Variants in WIPF1 observed in about 807,000 individuals in gnomAD.
WIPF1 encodes the protein WAS/WASL-interacting protein family member 1.
Under a neutral mutation model 35.4 loss-of-function variants are expected in WIPF1, and 13 were observed. That is an observed-to-expected ratio of 0.37 (90% confidence interval 0.24 to 0.58). The LOEUF (loss-of-function observed/expected upper bound fraction) is 0.58, where lower values mean the gene tolerates loss of function less well. WIPF1 is among the 20% of genes least tolerant of loss of function. The pLI is 0.74. For synonymous variants in WIPF1, 267 were observed against 266.3 expected (o/e 1.00, Z -0.02); for missense variants, 591 against 667.0 (o/e 0.89, Z 1.25).
intron 3 of WIPF1, among the ~76,000 whole-genome samples, chr2:174,579,615 C>T (rs1300936644): frequency 6.6e-6 from 1 of 152,210 alleles, no homozygotes; most frequent in East Asian, 1.9e-4. Flanking sequence ...CATTATTAAA[C>T]ATCATGGAAG....
intron 1 of WIPF1, among the ~76,000 whole-genome samples, chr2:174,672,524 T>G (rs1688040712): frequency 6.6e-6 from 1 of 152,256 alleles, no homozygotes; most frequent in African/African-American, 2.4e-5. Flanking sequence ...ATACATACAC[T>G]ATTTTAGCTA....
At chr2:174,632,422 T>C (rs975556244) in intron 1 of WIPF1, among the ~76,000 whole-genome samples, 1 of 152,074 alleles carries the variant, frequency 6.6e-6, no homozygotes, top group African/African-American at 2.4e-5. Flanking sequence ...AAAAATGACA[T>C]CAGGCAGCTG....
chr2:174,609,561 G>T (rs1686280549), intron 1 of WIPF1, among the ~76,000 whole-genome samples: 1 of 152,028 alleles, frequency 6.6e-6, no homozygotes, highest in East Asian at 1.9e-4. Flanking sequence ...AGTTGTACCT[G>T]ATCACTTACA....
chr2:174,652,197 G>A (rs1161429653), intron 1 of WIPF1, among the ~76,000 whole-genome samples: 2 of 152,134 alleles, frequency 1.3e-5, no homozygotes, highest in Admixed American at 6.5e-5. Flanking sequence ...ACATTTAAGG[G>A]GAAGGACCAC....
chr2:174,633,952 G>C (rs1687106392), intron 1 of WIPF1, among the ~76,000 whole-genome samples: 1 of 152,070 alleles, frequency 6.6e-6, no homozygotes, highest in Non-Finnish European at 1.5e-5. Context: ...AAAGAAAAGG[G>C]GGAAGGAGGA....
rs1481718949 is a variant in WIPF1 at position 174,622,389 on chromosome 2, ATGT to A, written c.-38-36781_-38-36779del. Among the ~76,000 whole-genome samples the A allele has an allele frequency of 1.1e-4, 17 of 152,350 alleles. No homozygotes were observed. Among genetic ancestry groups the A allele is most frequent in the Middle Eastern group, 3.4e-3 (1 of 294 alleles). ...ATATCCATGAAATCATGAATTTCAT[ATGT>A]TGTTGTACATTTTTTCTACTACACA... On this transcript the variant is annotated intron_variant, in intron 1 of 8. Transcript: ENST00000272746. The surrounding 1 kb of genome is among the most constrained non-coding windows in gnomAD (Gnocchi z 5.1).
intron 1 of WIPF1, among the ~76,000 whole-genome samples, chr2:174,641,090 T>G (rs969201721): frequency 7.2e-5 from 11 of 152,076 alleles, no homozygotes; most frequent in Admixed American, 2.6e-4. Context: ...AGAAATAAAT[T>G]TATGCACTTA....
intron 5 of WIPF1, among the ~76,000 whole-genome samples, chr2:174,568,357 A>G (rs1684731884): frequency 6.6e-6 from 1 of 152,216 alleles, no homozygotes; most frequent in South Asian, 2.1e-4. Flanking sequence ...AAAACAGGTG[A>G]AAATCTGTTT....
rs950633533 is a variant in WIPF1 at position 174,624,254 on chromosome 2, A to G, written c.-38-38643T>C. Among the ~76,000 whole-genome samples the G allele has an allele frequency of 4.6e-5, 7 of 152,224 alleles. No homozygotes were observed. In the East Asian group the frequency reaches 1.3e-3, roughly 29 times the overall value. Reference sequence around the variant, plus strand: ...AATAACCACATTTCTAATGACAGGTAGGACTAGAGCAGAAAGTGAGTGGAG... The same window carrying G: ...AATAACCACATTTCTAATGACAGGTGGGACTAGAGCAGAAAGTGAGTGGAG... On this transcript the variant is annotated intron_variant, in intron 1 of 8. Transcript: ENST00000272746.
chr2:174,571,646 G>A lies in WIPF1; in HGVS notation c.1129+30C>T. ...GGTACATTTGGGCAGGCTGGGTTTT[G>A]GAAGCAACTCACTCCACGTCTTGTC... On this transcript the variant is annotated intron_variant, in intron 5 of 7. Coordinates refer to ENST00000679041, the MANE Select transcript of WIPF1 (RefSeq NM_001375834.1). The surrounding 1 kb of genome is among the most constrained non-coding windows in gnomAD (Gnocchi z 4.6). 1.9e-6 allele frequency: 3 copies of A among 1,614,066 alleles called. No individual in the cohort carries two copies. The highest frequency in any genetic ancestry group is 1.7e-5 in the Admixed American group (1 of 60,028).
At chr2:174,647,373 G>T (rs78189204) in intron 1 of WIPF1, among the ~76,000 whole-genome samples, 1 of 146,156 alleles carries the variant, frequency 6.8e-6, no homozygotes, top group African/African-American at 2.5e-5. Flanking sequence ...GTGAGATGCT[G>T]TTTTTTTTTT....
chr2:174,627,738 G>T (rs1157421282), intron 1 of WIPF1, among the ~76,000 whole-genome samples: 1 of 151,872 alleles, frequency 6.6e-6, no homozygotes, highest in African/African-American at 2.4e-5. Context: ...TAGAGATGGG[G>T]TCTTCCTACG....
intron 1 of WIPF1, among the ~76,000 whole-genome samples, chr2:174,608,123 C>G (rs1686230634): frequency 6.6e-6 from 1 of 152,140 alleles, no homozygotes; most frequent in East Asian, 1.9e-4. Flanking sequence ...CTTTCTCACG[C>G]AGGGCTGTTT....
At chr2:174,618,269 G>GAAAAGCTCGGCACA (rs376554624) in intron 1 of WIPF1, among the ~76,000 whole-genome samples, 3 of 152,202 alleles carry the variant, frequency 2.0e-5, no homozygotes, top group African/African-American at 7.2e-5. Context: ...GGTCTGTCCT[G>GAAAAGCTCGGCACA]AAAAGCTCGG....
chr2:174,620,617 A>G (rs774203183), intron 1 of WIPF1, among the ~76,000 whole-genome samples: 1 of 152,202 alleles, frequency 6.6e-6, no homozygotes, highest in African/African-American at 2.4e-5. Flanking sequence ...CATCCAGCCA[A>G]CATTTACTAG....
In WIPF1 at chr2:174,657,933, A is replaced by G. The variant is rs867448661; in HGVS notation, c.-39+24841T>C. On this transcript the variant is annotated intron_variant, in intron 1 of 8. Coordinates refer to the WIPF1 transcript ENST00000272746. ...CTCAAAAAAAAAAAAAAAAAAAAAA[A>G]AGAGAGAGAGAAATATTTCCTATTC... Among the ~76,000 whole-genome samples, 501 of 134,070 alleles carry G rather than the reference A, an allele frequency of 3.7e-3. 4 individuals carry two copies. Among genetic ancestry groups the G allele is most frequent in the African/African-American group, 0.011 (432 of 37,750 alleles). The allele number at this position is 134,070 out of a possible 152,430, so 88.0% of individuals were successfully genotyped here. A position where few individuals can be genotyped will look rare whatever the true frequency, so the allele number is the denominator to read the frequency against.
chr2:174,652,621 G>C (rs948469369), intron 1 of WIPF1, among the ~76,000 whole-genome samples: 1 of 152,038 alleles, frequency 6.6e-6, no homozygotes, highest in Admixed American at 6.6e-5. Context: ...GGAACCTTAG[G>C]GGGAAATAAT....
At chr2:174,626,071 A>T (rs1441541804) in intron 1 of WIPF1, 2 of 152,256 alleles carry the variant, frequency 1.3e-5, no homozygotes, top group Non-Finnish European at 2.9e-5. Context: ...TTACATAAAC[A>T]TAAAAATTAT....
At chr2:174,653,187 T>C (rs1303562522) in intron 1 of WIPF1, among the ~76,000 whole-genome samples, 8 of 152,204 alleles carry the variant, frequency 5.3e-5, no homozygotes, top group African/African-American at 1.9e-4. Context: ...ATTAGGTTCA[T>C]ACTGAGGTAT....
Sources: gnomAD v4.1 joint callset for allele counts (sites outside exome capture counted in the v4.1 genomes callset) on GRCh38, gnomAD v4.1.1 for gene constraint, Gnocchi (gnomAD v3.1) non-coding constraint, MANE v1.5 for transcripts, NCBI Gene and HGNC (gene_info 2026-07-23, HGNC 2026-07-21) for gene names.